The following PUDP variants were observed in gnomAD, a reference collection of about 807,000 sequenced individuals.
PUDP encodes pseudouridine-5'-phosphatase.
In PUDP, 8 loss-of-function variants were observed where a neutral mutation model predicts 9.4. That is an observed-to-expected ratio of 0.85 (90% CI 0.50 to 1.53). The LOEUF (loss-of-function observed/expected upper bound fraction) is 1.53, where lower values mean the gene tolerates loss of function less well. Ranked by LOEUF, PUDP falls within the 40% of genes most tolerant of loss-of-function variation. PUDP has a pLI of 0.00. For missense variants in PUDP, 188 were observed against 189.7 expected (o/e 0.99, Z 0.05); for synonymous variants, 99 against 80.7 (o/e 1.23, Z -1.22).
chrX:6,795,334 T>C (rs757919665), intron 3 of PUDP, among the ~76,000 whole-genome samples: 98 of 111,993 alleles, frequency 8.8e-4, no homozygotes, highest in African/African-American at 2.9e-3. Flanking sequence ...CTGCTAGAGC[T>C]TCATTGATGT....
At chrX:6,719,975 A>G (rs1283845413) in intron 1 of PUDP, among the ~76,000 whole-genome samples, 1 of 109,611 alleles carries the variant, frequency 9.1e-6, no homozygotes, top group Non-Finnish European at 1.9e-5. Flanking sequence ...ATCCGAGGGA[A>G]ACAAGATCAG....
chrX:6,827,801 T>A (rs966318699), intron 3 of PUDP, among the ~76,000 whole-genome samples: 13 of 112,207 alleles, frequency 1.2e-4, no homozygotes, highest in African/African-American at 4.2e-4. Context: ...CTGTATATTG[T>A]CACTTGCAGG....
At chrX:6,766,956 CA>C (rs1925292714) in intron 3 of PUDP, among the ~76,000 whole-genome samples, 2 of 112,307 alleles carry the variant, frequency 1.8e-5, no homozygotes, top group East Asian at 5.6e-4. Context: ...AATAGCAACC[CA>C]AAAAGGACCT....
downstream of PUDP, chrX:7,048,771 G>A (rs1017470080): frequency 3.6e-5 from 4 of 112,159 alleles, no homozygotes; most frequent in African/African-American, 9.7e-5. Flanking sequence ...GGAGCAGGAC[G>A]GCTCACTTAA....
rs777665218 is a variant in PUDP at position 6,896,796 on chromosome X, G to A, written c.*247+80337C>T. Among the ~76,000 whole-genome samples the A allele has an allele frequency of 3.6e-5, 4 of 111,706 alleles. No homozygotes were observed. In the South Asian group the frequency reaches 1.1e-3, roughly 32 times the overall value. Reference sequence around the variant, plus strand: ...GACTTTTCTGTCTCCGGGCTGTTCCGGCCTTTGCTTCTACAGAGTTGTTAG... The same window carrying A: ...GACTTTTCTGTCTCCGGGCTGTTCCAGCCTTTGCTTCTACAGAGTTGTTAG... On this transcript the variant is annotated intron_variant and NMD_transcript_variant, in intron 3 of 3. Transcript: ENST00000655425.
chrX:6,999,996 T>G (rs1929303392), intron 1 of PUDP, among the ~76,000 whole-genome samples: 1 of 110,370 alleles, frequency 9.1e-6, no homozygotes, highest in Admixed American at 9.8e-5. Flanking sequence ...CAAGACATTG[T>G]GTATCCACCA....
intron 3 of PUDP, among the ~76,000 whole-genome samples, chrX:6,794,041 G>A (rs777674427): frequency 8.9e-6 from 1 of 111,801 alleles, no homozygotes; most frequent in African/African-American, 3.2e-5. Context: ...GGAGTTATTA[G>A]CTACAACCAG....
intron 3 of PUDP, among the ~76,000 whole-genome samples, chrX:6,758,687 T>A (rs1925196725): frequency 9.0e-6 from 1 of 111,227 alleles, no homozygotes; most frequent in Non-Finnish European, 1.9e-5. Flanking sequence ...TAGAGTAGTG[T>A]CCATCCACCT....
At chrX:6,769,519 G>A (rs777677393) in intron 3 of PUDP, among the ~76,000 whole-genome samples, 2 of 111,941 alleles carry the variant, frequency 1.8e-5, no homozygotes, top group African/African-American at 3.2e-5. Flanking sequence ...CAGCAGCCAC[G>A]GGAGCCTCCA....
chrX:6,953,679 A>T (rs1187228367), intron 3 of PUDP, among the ~76,000 whole-genome samples: 1 of 111,153 alleles, frequency 9.0e-6, no homozygotes, highest in Admixed American at 9.6e-5. Flanking sequence ...CCCTGCAGCA[A>T]GAACATTCCC....
intron 1 of PUDP, among the ~76,000 whole-genome samples, chrX:7,002,192 T>C (rs1052894652): frequency 8.9e-6 from 1 of 111,862 alleles, no homozygotes; most frequent in African/African-American, 3.2e-5. Context: ...CAAAATCATA[T>C]GGAAAGATGT....
intron 3 of PUDP, among the ~76,000 whole-genome samples, chrX:6,819,655 T>C (rs1482095648): frequency 8.9e-6 from 1 of 112,601 alleles, no homozygotes. Context: ...TTTTCACTTG[T>C]AATACTTTGT....
intron 1 of PUDP, among the ~76,000 whole-genome samples, chrX:6,709,990 G>T (rs1924512832): frequency 9.0e-6 from 1 of 111,222 alleles, no homozygotes; most frequent in Non-Finnish European, 1.9e-5. Context: ...GGGCGTGGTG[G>T]TGGGCACCTG....
intron 3 of PUDP, among the ~76,000 whole-genome samples, chrX:6,932,802 G>A (rs1370425227): frequency 3.6e-5 from 4 of 111,639 alleles, no homozygotes; most frequent in Non-Finnish European, 7.5e-5. Context: ...AAAAAACGGC[G>A]CACCACGAGA....
intron 3 of PUDP, among the ~76,000 whole-genome samples, chrX:7,054,020 G>A (rs1275973533): frequency 8.9e-6 from 1 of 112,153 alleles, no homozygotes; most frequent in Non-Finnish European, 1.9e-5. Flanking sequence ...CACACAACAT[G>A]TAAGACAAAT....
intron 3 of PUDP, among the ~76,000 whole-genome samples, chrX:6,888,020 C>T (rs1191173917): frequency 9.0e-6 from 1 of 111,731 alleles, no homozygotes; most frequent in Admixed American, 9.5e-5. Flanking sequence ...TATAGTCAGT[C>T]CTCTGGAAAA....
intron 1 of PUDP, among the ~76,000 whole-genome samples, chrX:6,979,603 A>G (rs903961176): frequency 8.9e-6 from 1 of 112,057 alleles, no homozygotes; most frequent in African/African-American, 3.2e-5. Flanking sequence ...TGGAAAATGA[A>G]ACAGGGCACC....
intron 3 of PUDP, among the ~76,000 whole-genome samples, chrX:6,885,406 G>A (rs922997619): frequency 7.9e-4 from 89 of 111,978 alleles, no homozygotes; most frequent in African/African-American, 2.7e-3. Context: ...TTTGAAACAG[G>A]TCTAGACTTT....
intron 3 of PUDP, among the ~76,000 whole-genome samples, chrX:6,782,431 G>A (rs1030398731): frequency 4.5e-5 from 5 of 111,136 alleles, no homozygotes; most frequent in African/African-American, 9.8e-5. Context: ...TTAGCTGGGC[G>A]TGGTGGCAGG....
Sources: gnomAD v4.1 joint callset for allele counts (sites outside exome capture counted in the v4.1 genomes callset) on GRCh38, gnomAD v4.1.1 for gene constraint, MANE v1.5 for transcripts, NCBI Gene and HGNC (gene_info 2026-07-23, HGNC 2026-07-21) for gene names.